IGSF21: variants seen among roughly 807,000 people sequenced by gnomAD.
The protein encoded by IGSF21 is immunoglobulin superfamily member 21.
In IGSF21, 28 loss-of-function variants were observed where a neutral mutation model predicts 46.8. The ratio of observed to expected loss-of-function variants is 0.60; its 90% confidence interval spans 0.44 to 0.82. The LOEUF (loss-of-function observed/expected upper bound fraction) is 0.82. IGSF21 is among the 40% of genes least tolerant of loss of function. The pLI is 0.00. For synonymous variants in IGSF21, 284 were observed against 273.6 expected (o/e 1.04, Z -0.38); for missense variants, 624 against 665.5 (o/e 0.94, Z 0.69).
intron 2 of IGSF21, among the ~76,000 whole-genome samples, chr1:18,288,584 C>CTTCT (rs2085237427): frequency 6.6e-6 from 1 of 152,236 alleles, no homozygotes; most frequent in African/African-American, 2.4e-5. Context: ...CCCACCACAC[C>CTTCT]TTCTGTCCAC....
chr1:18,357,131 C>T (rs1158029220), intron 4 of IGSF21, among the ~76,000 whole-genome samples: 1 of 123,622 alleles, frequency 8.1e-6, no homozygotes, highest in Non-Finnish European at 1.6e-5. Flanking sequence ...AGATTGAGAT[C>T]GAGATGGGGA....
At chr1:18,210,484 G>A (rs996551424) in intron 1 of IGSF21, among the ~76,000 whole-genome samples, 2 of 152,242 alleles carry the variant, frequency 1.3e-5, no homozygotes, top group South Asian at 2.1e-4. Flanking sequence ...GTGGGGTAAC[G>A]TTTGGGGAGA....
At chr1:18,108,254 T>G in intron 1 of IGSF21, 56 bp downstream of exon 1, 2 of 1,310,290 alleles carry the variant, frequency 1.5e-6, no homozygotes, top group Non-Finnish European at 1.9e-6. Context: ...GGGGACGGGG[T>G]GCCGGGGGAG....
chr1:18,192,210 C>A (rs773120624), intron 1 of IGSF21, among the ~76,000 whole-genome samples: 8 of 152,202 alleles, frequency 5.3e-5, no homozygotes, highest in Non-Finnish European at 1.2e-4. Context: ...GATCATGCTC[C>A]CACTTTGTAG....
At chr1:18,250,030 G>A (rs2084822786) in intron 2 of IGSF21, among the ~76,000 whole-genome samples, 1 of 149,724 alleles carries the variant, frequency 6.7e-6, no homozygotes, top group Non-Finnish European at 1.5e-5. Context: ...TGGTCTCTGT[G>A]TCTCTGTCTC....
intron 3 of IGSF21, among the ~76,000 whole-genome samples, chr1:18,333,655 G>C (rs1414201354): frequency 6.6e-6 from 1 of 152,164 alleles, no homozygotes; most frequent in Admixed American, 6.5e-5. Context: ...GGTTCTCTTT[G>C]ACTCCATGTC....
intron 1 of IGSF21, among the ~76,000 whole-genome samples, chr1:18,118,251 T>C (rs2086205159): frequency 6.6e-6 from 1 of 152,142 alleles, no homozygotes; most frequent in Admixed American, 6.5e-5. Context: ...GCTTCCTTTA[T>C]CTCCCCAGCA....
chr1:18,304,135 G>C (rs1170328453), intron 3 of IGSF21, among the ~76,000 whole-genome samples: 1 of 152,164 alleles, frequency 6.6e-6, no homozygotes, highest in Non-Finnish European at 1.5e-5. Context: ...AAGTGAGAGA[G>C]AAGTTAAACG....
In IGSF21 at chr1:18,376,780, T is replaced by A. The variant is rs2086285035; in HGVS notation, c.1102-20T>A. The A allele has an allele frequency of 3.8e-6, 6 of 1,564,540 alleles. No individual in the cohort carries two copies. The highest frequency in any genetic ancestry group is 5.2e-6 in the Non-Finnish European group (6 of 1,149,526). The stretch of plus-strand genomic sequence containing the variant: ...AATGGGCCCTCCTGTGACCCACCTC[T>A]CCCCTGATCTGGCCAACAGAACGAA... On this transcript the variant is annotated intron_variant, in intron 7 of 9. Transcript: ENST00000251296.
intron 3 of IGSF21, among the ~76,000 whole-genome samples, chr1:18,331,009 CAT>C (rs1309354467): frequency 1.3e-5 from 2 of 152,348 alleles, no homozygotes; most frequent in African/African-American, 2.4e-5. Flanking sequence ...GGTTTTGGCA[CAT>C]GTTACTACCT....
intron 1 of IGSF21, among the ~76,000 whole-genome samples, chr1:18,210,077 G>T (rs946319716): frequency 6.6e-6 from 1 of 152,166 alleles, no homozygotes; most frequent in East Asian, 1.9e-4. Context: ...AATAGCCTTC[G>T]GGTGACATCC....
chr1:18,276,977 G>C (rs541578137), intron 2 of IGSF21, among the ~76,000 whole-genome samples: 1 of 152,306 alleles, frequency 6.6e-6, no homozygotes, highest in East Asian at 1.9e-4. Context: ...GGAAATAAAT[G>C]CTGGTTCAAC....
chr1:18,241,131 G>A (rs2084723287), intron 2 of IGSF21, among the ~76,000 whole-genome samples: 1 of 152,198 alleles, frequency 6.6e-6, no homozygotes, highest in South Asian at 2.1e-4. Flanking sequence ...GGAGTTGAGA[G>A]GAGGGGGAGG....
chr1:18,145,476 G>A (rs545196989), intron 1 of IGSF21, among the ~76,000 whole-genome samples: 1 of 152,072 alleles, frequency 6.6e-6, no homozygotes, highest in Admixed American at 6.6e-5. Context: ...GCCCCTCCTG[G>A]TTCCCATGAG....
chr1:18,163,299 G>C (rs979428939), intron 1 of IGSF21, among the ~76,000 whole-genome samples: 1 of 152,162 alleles, frequency 6.6e-6, no homozygotes. Flanking sequence ...GTTGTTATTG[G>C]TGGTGGTGTT....
intron 2 of IGSF21, among the ~76,000 whole-genome samples, chr1:18,280,559 G>T (rs1349777127): frequency 2.0e-5 from 3 of 152,062 alleles, no homozygotes; most frequent in African/African-American, 7.2e-5. Context: ...CACTTTATAG[G>T]GAAGAACCCG....
intron 1 of IGSF21, among the ~76,000 whole-genome samples, chr1:18,153,841 C>T (rs949253968): frequency 2.0e-5 from 3 of 152,174 alleles, no homozygotes; most frequent in African/African-American, 7.2e-5. Context: ...CCCCACTGAA[C>T]CAGGACTGTC....
chr1:18,205,035 A>G (rs1261237485), intron 1 of IGSF21, among the ~76,000 whole-genome samples: 1 of 152,142 alleles, frequency 6.6e-6, no homozygotes, highest in Non-Finnish European at 1.5e-5. Context: ...CATGTAGGAC[A>G]GAGAGGGATT....
At chr1:18,319,567 A>T (rs1365971153) in intron 3 of IGSF21, among the ~76,000 whole-genome samples, 1 of 150,628 alleles carries the variant, frequency 6.6e-6, no homozygotes. Flanking sequence ...CTTCATTAAA[A>T]ATTTATGTAC....
Sources: allele counts gnomAD v4.1 joint callset (sites outside exome capture counted in the v4.1 genomes callset), GRCh38; gene constraint gnomAD v4.1.1; transcripts MANE v1.5; gene names NCBI Gene and HGNC (gene_info 2026-07-23, HGNC 2026-07-21).